CRYBG1: variants seen among roughly 807,000 people sequenced by gnomAD.
CRYBG1 encodes beta/gamma crystallin domain-containing protein 1.
Under a neutral mutation model 189.2 loss-of-function variants are expected in CRYBG1, and 139 were observed. The ratio of observed to expected loss-of-function variants is 0.73; its 90% confidence interval spans 0.64 to 0.85. The LOEUF (loss-of-function observed/expected upper bound fraction) is 0.85. CRYBG1 is among the 40% of genes least tolerant of loss of function. CRYBG1 has a pLI of 0.00. For synonymous variants in CRYBG1, 1,023 were observed against 1,017.1 expected (o/e 1.01, Z -0.11); for missense variants, 2,611 against 2,675.8 (o/e 0.98, Z 0.53).
At chr6:106,483,378 G>GTATATATATATATATATATA (rs1554185563) in intron 2 of CRYBG1, among the ~76,000 whole-genome samples, 1 of 113,694 alleles carries the variant, frequency 8.8e-6, no homozygotes, top group East Asian at 3.3e-4. Flanking sequence ...GTGTGTGTGT[G>GTATATATATATATATATATA]TATATATATA....
intron 2 of CRYBG1, among the ~76,000 whole-genome samples, chr6:106,458,221 A>G (rs566850707): frequency 1.1e-4 from 17 of 152,356 alleles, no homozygotes; most frequent in African/African-American, 3.6e-4. Flanking sequence ...GCTGTAAACT[A>G]TGCAAACAAT....
intron 1 of CRYBG1, among the ~76,000 whole-genome samples, chr6:106,434,082 G>C (rs1031317172): frequency 6.6e-6 from 1 of 151,892 alleles, no homozygotes; most frequent in Non-Finnish European, 1.5e-5. Flanking sequence ...ACATGAGGCT[G>C]TTATCAGAAG....
At chr6:106,375,993 G>A (rs546746577) in intron 1 of CRYBG1, among the ~76,000 whole-genome samples, 53 of 152,230 alleles carry the variant, frequency 3.5e-4, no homozygotes, top group African/African-American at 1.3e-3. Flanking sequence ...ACATGAATAT[G>A]GTATTTCTCT....
chr6:106,520,498 G>A lies in CRYBG1; in HGVS notation c.3290G>A (p.Ser1097Asn). The change falls in exon 4 of 22, where the codon AGT becomes AAT. Residue 1097 changes from serine to asparagine, a missense_variant. This residue lies in a region of CRYBG1 where 1,622 missense variants were observed against 1,735.0 expected (regional missense o/e 0.93). Transcript: ENST00000633556. Reference sequence around the variant, plus strand: ...AACATTTCTGCTGGTAGTGATGATAGTGTATTTGATTCTTCTTCTGATATG... The same window carrying A: ...AACATTTCTGCTGGTAGTGATGATAATGTATTTGATTCTTCTTCTGATATG... ...LLNISAGSDD[S>N]VFDSSSDMEK... 6.2e-7 allele frequency: 1 copy of A among 1,614,134 alleles called. No individual in the cohort carries two copies. Among genetic ancestry groups the A allele is most frequent in the Non-Finnish European group, 8.5e-7 (1 of 1,180,030 alleles).
At chr6:106,560,075 C>T (rs1406143238) in intron 18 of CRYBG1, among the ~76,000 whole-genome samples, 1 of 152,006 alleles carries the variant, frequency 6.6e-6, no homozygotes, top group Non-Finnish European at 1.5e-5. Flanking sequence ...GCCTGGGCAA[C>T]AGAGTGAGAC....
rs1773336402 is a variant in CRYBG1 at position 106,513,047 on chromosome 6, G to C, written c.1922+8G>C. ...GACCACTAAAGTGACCCTGTAAGTA[G>C]CCGCGCAAGTCCCGGCCGAGTTGCT... is the stretch of plus-strand genomic sequence containing the variant. On this transcript the variant is annotated splice_region_variant and intron_variant, in intron 3 of 21. Transcript: ENST00000633556. 1 of 1,596,570 alleles carries C rather than the reference G, an allele frequency of 6.3e-7. No homozygotes were observed. Among genetic ancestry groups the C allele is most frequent in the African/African-American group, 1.3e-5 (1 of 74,936 alleles).
intron 16 of CRYBG1, among the ~76,000 whole-genome samples, chr6:106,554,167 C>G (rs1328143886): frequency 1.3e-5 from 2 of 152,120 alleles, no homozygotes; most frequent in African/African-American, 4.8e-5. Context: ...GTCAGGAAAG[C>G]CTTGGAGCAA....
intron 11 of CRYBG1, among the ~76,000 whole-genome samples, chr6:106,543,822 C>T (rs980106743): frequency 2.0e-4 from 30 of 152,274 alleles, no homozygotes; most frequent in African/African-American, 5.3e-4. Context: ...GAGGCCAAGG[C>T]GGGCGGATCA....
intron 1 of CRYBG1, among the ~76,000 whole-genome samples, chr6:106,375,576 G>A (rs1266726850): frequency 6.6e-6 from 1 of 152,158 alleles, no homozygotes; most frequent in African/African-American, 2.4e-5. Flanking sequence ...CAGGCCCAAA[G>A]GTACCACTTT....
chr6:106,487,204 C>A (rs1006930521), intron 2 of CRYBG1, among the ~76,000 whole-genome samples: 7 of 152,162 alleles, frequency 4.6e-5, no homozygotes, highest in Non-Finnish European at 1.0e-4. Context: ...TCCTCCCCAA[C>A]CTTTTTGCAT....
At chr6:106,455,266 T>C (rs1170313807) in intron 2 of CRYBG1, among the ~76,000 whole-genome samples, 2 of 152,172 alleles carry the variant, frequency 1.3e-5, no homozygotes, top group Non-Finnish European at 2.9e-5. Flanking sequence ...AAACATATCA[T>C]GTATTATGTG....
rs73520827 is a variant in CRYBG1, at chr6:106,532,353, C to T, written c.4718+2038C>T. The stretch of plus-strand genomic sequence containing the variant: ...TCTGTATCTTGGCTATTACAAATAG[C>T]ACTGCAAGAAACATGCAAGTGCGGG... On this transcript the variant is annotated intron_variant, in intron 8 of 21. Transcript: ENST00000633556. Among the ~76,000 whole-genome samples the T allele has an allele frequency of 2.9e-3, 435 of 152,276 alleles. 4 individuals carry two copies. Among genetic ancestry groups the T allele is most frequent in the African/African-American group, 0.01 (424 of 41,544 alleles).
intron 4 of CRYBG1, among the ~76,000 whole-genome samples, 157 bp downstream of exon 4, chr6:106,521,610 G>A (rs1389346477): frequency 1.4e-5 from 2 of 146,404 alleles, no homozygotes; most frequent in Non-Finnish European, 3.0e-5. Context: ...AATGTACAAG[G>A]GACCGTTAGA....
At chr6:106,441,862 G>A (rs969959811) in intron 1 of CRYBG1, among the ~76,000 whole-genome samples, 2 of 152,032 alleles carry the variant, frequency 1.3e-5, no homozygotes, top group African/African-American at 4.8e-5. Flanking sequence ...ACCTCCATAA[G>A]AATTATTTTG....
At chr6:106,436,910 C>T (rs199505562) in intron 1 of CRYBG1, among the ~76,000 whole-genome samples, 1 of 65,086 alleles carries the variant, frequency 1.5e-5, no homozygotes, top group South Asian at 4.2e-4. Context: ...TTAATATAAC[C>T]CCCCCCACCC....
intron 2 of CRYBG1, among the ~76,000 whole-genome samples, chr6:106,459,712 C>A (rs572364785): frequency 7.2e-5 from 11 of 152,078 alleles, no homozygotes; most frequent in Non-Finnish European, 1.0e-4. Context: ...GTTGCTTCTA[C>A]ATTTTTTTTC....
chr6:106,453,184 A>G (rs1038981719), intron 2 of CRYBG1, among the ~76,000 whole-genome samples: 3 of 152,184 alleles, frequency 2.0e-5, no homozygotes, highest in African/African-American at 2.4e-5. Context: ...TGTTATGTGT[A>G]TTTTACCACA....
chr6:106,552,202 A>G lies in CRYBG1; in HGVS notation c.5458A>G (p.Arg1820Gly). 1.3e-6 allele frequency: 2 copies of G among 1,577,712 alleles called. No individual in the cohort carries two copies. Among genetic ancestry groups the G allele is most frequent in the Non-Finnish European group, 1.7e-6 (2 of 1,156,648 alleles). The change falls in exon 15 of 22, where the codon AGG (arginine) becomes GGG (glycine). Residue 1820 changes from arginine to glycine, a missense_variant. Physicochemically the swap from Arg to Gly is moderately radical, Grantham distance 125. Transcript: ENST00000633556. ...PICLDSFTGPRRRNQIHLFSE... is the reference protein window; with the variant it reads ...PICLDSFTGPGRRNQIHLFSE... ...TTTTTAGGATTCTTTCACTGGCCCAAGGAGACGAAATCAGGTAACTTTAAA... is the reference window on the plus strand; with the variant it reads ...TTTTTAGGATTCTTTCACTGGCCCAGGGAGACGAAATCAGGTAACTTTAAA...
chr6:106,557,571 C>T (rs983494709), intron 17 of CRYBG1, among the ~76,000 whole-genome samples: 5 of 151,952 alleles, frequency 3.3e-5, no homozygotes, highest in Admixed American at 6.5e-5. Context: ...CCACCATGCC[C>T]GGCTAATTTT....
Sources: gnomAD v4.1 joint callset for allele counts (sites outside exome capture counted in the v4.1 genomes callset) on GRCh38, gnomAD v4.1.1 for gene constraint, gnomAD v4.1.1 regional missense constraint, MANE v1.5 for transcripts, NCBI Gene and HGNC (gene_info 2026-07-23, HGNC 2026-07-21) for gene names.